The following MACROD2 variants were observed in gnomAD, a reference collection of about 807,000 sequenced individuals.
The protein encoded by MACROD2 is mono-ADP ribosylhydrolase 2.
MACROD2 carries 36 observed loss-of-function variants against 70.4 expected under a neutral mutation model. That is an observed-to-expected ratio of 0.51 (90% CI 0.39 to 0.68). MACROD2 has a LOEUF of 0.68. MACROD2 is among the 30% of genes least tolerant of loss of function. The probability of loss-of-function intolerance (pLI) is 0.00; values close to 1 mark genes in which losing one functional copy is unlikely to be tolerated. For missense variants in MACROD2, 496 were observed against 538.4 expected, an observed-to-expected ratio of 0.92 and a Z score of 0.78; for synonymous variants, 172 against 178.8, an observed-to-expected ratio of 0.96 and a Z score of 0.30.
At chr20:15,322,585 A>G (rs1017383684) in intron 6 of MACROD2, among the ~76,000 whole-genome samples, 3 of 144,500 alleles carry the variant, frequency 2.1e-5, no homozygotes, top group Admixed American at 6.9e-5. Flanking sequence ...TCAACTATTT[A>G]GCCTGAGGTA....
intron 3 of MACROD2, among the ~76,000 whole-genome samples, chr20:14,432,901 C>A (rs767343981): frequency 3.9e-5 from 6 of 152,018 alleles, no homozygotes; most frequent in Non-Finnish European, 7.4e-5. Flanking sequence ...GAATTGCTTT[C>A]AGAATCTAAG....
At chr20:14,502,553 G>C (rs1023830396) in intron 4 of MACROD2, among the ~76,000 whole-genome samples, 4 of 152,132 alleles carry the variant, frequency 2.6e-5, no homozygotes, top group Non-Finnish European at 5.9e-5. Flanking sequence ...TACTTTACAG[G>C]TGTGGAATAA....
At chr20:14,535,279 G>A (rs1466366356) in intron 4 of MACROD2, among the ~76,000 whole-genome samples, 3 of 152,064 alleles carry the variant, frequency 2.0e-5, no homozygotes, top group East Asian at 1.9e-4. Flanking sequence ...TGAGGCGGGC[G>A]GATCACCTGA....
intron 1 of MACROD2, among the ~76,000 whole-genome samples, chr20:14,000,214 G>T (rs2052714858): frequency 1.3e-5 from 2 of 151,970 alleles, no homozygotes; most frequent in South Asian, 4.1e-4. Context: ...AAGTCTCTAG[G>T]CTAGACCACT....
chr20:15,080,527 T>C (rs2075695370), intron 5 of MACROD2, among the ~76,000 whole-genome samples: 1 of 152,180 alleles, frequency 6.6e-6, no homozygotes, highest in Non-Finnish European at 1.5e-5. Flanking sequence ...TGGTTCCTTT[T>C]GAACACTGGA....
intron 3 of MACROD2, among the ~76,000 whole-genome samples, chr20:14,381,099 A>G (rs182720935): frequency 1.3e-5 from 2 of 152,214 alleles, no homozygotes; most frequent in East Asian, 3.9e-4. Context: ...CCCTAATCCA[A>G]AATTAAAACC....
intron 8 of MACROD2, among the ~76,000 whole-genome samples, chr20:15,537,632 C>T (rs1053394905): frequency 6.6e-6 from 1 of 151,976 alleles, no homozygotes; most frequent in African/African-American, 2.4e-5. Flanking sequence ...CACTACCATG[C>T]CTGGCTAATT....
chr20:15,838,141 A>G (rs1465537528), intron 8 of MACROD2, among the ~76,000 whole-genome samples: 1 of 151,898 alleles, frequency 6.6e-6, no homozygotes. Context: ...GACCTAGAAT[A>G]TCAAGCTTTT....
chr20:14,253,614 C>T (rs1190286250), intron 3 of MACROD2, among the ~76,000 whole-genome samples: 1 of 152,026 alleles, frequency 6.6e-6, no homozygotes, highest in Non-Finnish European at 1.5e-5. Flanking sequence ...CAAGCCTGTT[C>T]TTATTCTCTA....
intron 3 of MACROD2, among the ~76,000 whole-genome samples, chr20:14,162,760 A>T (rs996128351): frequency 6.6e-6 from 1 of 151,940 alleles, no homozygotes; most frequent in Non-Finnish European, 1.5e-5. Flanking sequence ...TACAGGAAAG[A>T]TGAGTTACTT....
chr20:15,420,349 G>A (rs185980455), intron 6 of MACROD2, among the ~76,000 whole-genome samples: 1 of 150,506 alleles, frequency 6.6e-6, no homozygotes, highest in East Asian at 2.0e-4. Context: ...TATTTCAAAG[G>A]TATAATGAAG....
chr20:14,168,972 C>G (rs1249327771), intron 3 of MACROD2, among the ~76,000 whole-genome samples: 5 of 152,134 alleles, frequency 3.3e-5, no homozygotes, highest in Non-Finnish European at 5.9e-5. Flanking sequence ...ACTAGCTAAC[C>G]AACTTCAACA....
chr20:14,478,537 T>G (rs384465), intron 3 of MACROD2, among the ~76,000 whole-genome samples: 146,828 of 152,172 alleles, frequency 0.96, 71,086 homozygotes, highest in East Asian at 1. Context: ...ATCTTATTTG[T>G]CTTATCTTAT....
At position 14,626,359 on chromosome 20, in the gene MACROD2, T is replaced by C. The variant is rs1434158769; in HGVS notation, c.302-58484T>C. On this transcript the variant is annotated intron_variant, in intron 4 of 17. Transcript: ENST00000684519. Reference sequence around the variant, plus strand: ...GGAGATGATACCTGTGGGGTTGGGGTGCCATCTTTCAGATATAGTATATAG... The same window carrying C: ...GGAGATGATACCTGTGGGGTTGGGGCGCCATCTTTCAGATATAGTATATAG... 2.0e-5 allele frequency among the ~76,000 whole-genome samples: 3 copies of C among 152,036 alleles called. No homozygotes were observed. In the East Asian group the frequency reaches 5.8e-4, roughly 29 times the overall value.
chr20:15,679,424 T>C (rs2050129029), intron 8 of MACROD2, among the ~76,000 whole-genome samples: 1 of 152,018 alleles, frequency 6.6e-6, no homozygotes, highest in African/African-American at 2.4e-5. Flanking sequence ...TTGCCTTTAC[T>C]GTGGCAGCTA....
At chr20:15,234,524 A>G (rs968193318) in intron 6 of MACROD2, among the ~76,000 whole-genome samples, 3 of 152,128 alleles carry the variant, frequency 2.0e-5, no homozygotes, top group Non-Finnish European at 4.4e-5. Context: ...ATAGCTGTCA[A>G]AAAAGAAAAA....
intron 13 of MACROD2, among the ~76,000 whole-genome samples, chr20:15,973,795 C>G (rs762761834): frequency 2.6e-5 from 4 of 152,132 alleles, no homozygotes; most frequent in Admixed American, 2.0e-4. Context: ...TCTATTTGAA[C>G]CAATCTATTC....
intron 3 of MACROD2, among the ~76,000 whole-genome samples, chr20:14,226,573 G>A (rs111944412): frequency 0.021 from 3,241 of 152,264 alleles, 125 homozygotes; most frequent in African/African-American, 0.074. Flanking sequence ...TTCCGGGTGG[G>A]CGTGGGCTTG....
chr20:14,722,108 C>G (rs886461302), intron 5 of MACROD2, among the ~76,000 whole-genome samples: 1 of 152,170 alleles, frequency 6.6e-6, no homozygotes, highest in Non-Finnish European at 1.5e-5. Context: ...GGTGGCTGGG[C>G]TCAGTTCAAG....
Sources: allele counts gnomAD v4.1 joint callset (sites outside exome capture counted in the v4.1 genomes callset), GRCh38; gene constraint gnomAD v4.1.1; transcripts MANE v1.5; gene names NCBI Gene and HGNC (gene_info 2026-07-23, HGNC 2026-07-21).